The following MIPOL1 variants were observed in gnomAD, a reference collection of about 807,000 sequenced individuals.
MIPOL1 encodes mirror-image polydactyly 1.
In MIPOL1, 57 loss-of-function variants were observed where a neutral mutation model predicts 60.9. The observed-to-expected ratio is 0.94, with a 90% CI of 0.76 to 1.17. MIPOL1 has a LOEUF of 1.17. MIPOL1 is among the 50% of genes most tolerant of loss of function. The pLI, the probability that MIPOL1 is intolerant of heterozygous loss-of-function variation, is 0.00. For synonymous variants in MIPOL1, 179 were observed against 168.8 expected (o/e 1.06, Z -0.47); for missense variants, 551 against 511.6 (o/e 1.08, Z -0.74).
chr14:37,325,095 G>T (rs1251057867), intron 9 of MIPOL1, among the ~76,000 whole-genome samples: 4 of 152,038 alleles, frequency 2.6e-5, no homozygotes, highest in African/African-American at 4.8e-5. Context: ...GATTGGCATT[G>T]TGTTGAATCT....
chr14:37,461,459 C>T (rs138921245), intron 11 of MIPOL1, among the ~76,000 whole-genome samples: 24 of 152,230 alleles, frequency 1.6e-4, no homozygotes, highest in African/African-American at 4.1e-4. Flanking sequence ...ATGGGAATTA[C>T]GTGAGGTACA....
chr14:37,311,290 G>A (rs895954745), intron 9 of MIPOL1, among the ~76,000 whole-genome samples: 5 of 152,144 alleles, frequency 3.3e-5, no homozygotes, highest in Admixed American at 2.6e-4. Context: ...AGACATGGAA[G>A]TAAGTTAACT....
chr14:37,209,483 A>G (rs1404425351), intron 1 of MIPOL1, among the ~76,000 whole-genome samples: 1 of 151,862 alleles, frequency 6.6e-6, no homozygotes, highest in Non-Finnish European at 1.5e-5. Flanking sequence ...ACATGGTGAA[A>G]CCCCGTCTCT....
Position 37,551,150 on chromosome 14 carries a change from A to G in MIPOL1, c.*4179A>G, listed in dbSNP as rs1278007832. The stretch of plus-strand genomic sequence containing the variant: ...TATGCTGGTATTTTAGAAGCCACCA[A>G]TTTCTGGACTATCTGATTATTAACA... On this transcript the variant is annotated 3_prime_UTR_variant, in exon 13 of 13. Coordinates refer to ENST00000684589, the MANE Select transcript of MIPOL1 (RefSeq NM_001388067.1). 1 of 152,104 alleles carries G rather than the reference A, an allele frequency of 6.6e-6. No homozygotes were observed. Among genetic ancestry groups the G allele is most frequent in the Non-Finnish European group, 1.5e-5 (1 of 67,984 alleles). 9.4% of individuals were successfully genotyped at this position (152,104 alleles called of 1,614,324 possible).
chr14:37,478,788 G>A (rs747421044), intron 11 of MIPOL1, among the ~76,000 whole-genome samples: 22 of 152,010 alleles, frequency 1.4e-4, no homozygotes, highest in Non-Finnish European at 4.4e-5. Context: ...TAATTCAAAA[G>A]CTGTAAAAAA....
At chr14:37,305,496 G>C (rs546099671) in intron 7 of MIPOL1, among the ~76,000 whole-genome samples, 2 of 151,898 alleles carry the variant, frequency 1.3e-5, no homozygotes, top group East Asian at 3.9e-4. Context: ...TATGATAAGA[G>C]AGCCTATGGT....
rs74047268 is a variant in MIPOL1 at position 37,264,033 on chromosome 14, G to A, written c.20-2905G>A. On this transcript the variant is annotated intron_variant, in intron 3 of 12. Transcript: ENST00000684589. ...GTATGCAGTTCTTTTTAAAGTGATG[G>A]GGCAATACAAATAAGCTCAGCTAAA... is the stretch of plus-strand genomic sequence containing the variant. Among the ~76,000 whole-genome samples, 1,329 of 152,086 alleles carry A rather than the reference G, an allele frequency of 8.7e-3. 16 individuals are homozygous for A. Among genetic ancestry groups the A allele is most frequent in the African/African-American group, 0.031 (1,272 of 41,482 alleles).
At chr14:37,461,538 A>C (rs562714191) in intron 11 of MIPOL1, among the ~76,000 whole-genome samples, 1 of 152,116 alleles carries the variant, frequency 6.6e-6, no homozygotes, top group Admixed American at 6.6e-5. Context: ...CCCAAATCTC[A>C]TATCTTCACA....
chr14:37,393,654 A>G (rs1283488952), intron 10 of MIPOL1, among the ~76,000 whole-genome samples: 1 of 151,878 alleles, frequency 6.6e-6, no homozygotes. Flanking sequence ...TGAAAATACA[A>G]TTTTATGGCA....
intron 12 of MIPOL1, among the ~76,000 whole-genome samples, chr14:37,500,372 C>G (rs1285502327): frequency 6.6e-6 from 1 of 152,098 alleles, no homozygotes; most frequent in Admixed American, 6.6e-5. Flanking sequence ...TATTTAATAA[C>G]TGATCATCAG....
intron 6 of MIPOL1, among the ~76,000 whole-genome samples, chr14:37,274,825 G>A (rs543860566): frequency 3.4e-4 from 51 of 151,370 alleles, no homozygotes; most frequent in African/African-American, 1.2e-3. Context: ...ATGATAAGAT[G>A]ATGATGTAAC....
chr14:37,377,622 T>C (rs1402227015), intron 10 of MIPOL1, among the ~76,000 whole-genome samples: 3 of 152,148 alleles, frequency 2.0e-5, no homozygotes, highest in Non-Finnish European at 2.9e-5. Context: ...ACCATCCTTC[T>C]AGGCATGTAG....
intron 10 of MIPOL1, chr14:37,400,479 T>G (rs1470484163): frequency 2.6e-5 from 4 of 152,168 alleles, no homozygotes; most frequent in Non-Finnish European, 4.4e-5. Flanking sequence ...TTGAATATAC[T>G]GGGACTGAAG....
At chr14:37,224,872 C>T (rs146606184) in intron 1 of MIPOL1, among the ~76,000 whole-genome samples, 217 of 152,240 alleles carry the variant, frequency 1.4e-3, no homozygotes, top group African/African-American at 4.8e-3. Context: ...CCTGTAAAAT[C>T]GAAAGCAAAT....
At chr14:37,508,809 G>T (rs146327953) in intron 12 of MIPOL1, among the ~76,000 whole-genome samples, 1 of 152,192 alleles carries the variant, frequency 6.6e-6, no homozygotes, top group East Asian at 1.9e-4. Context: ...TGGTTCCTCT[G>T]CTCACGTAAT....
At chr14:37,515,522 A>G (rs1485947629) in intron 12 of MIPOL1, among the ~76,000 whole-genome samples, 1 of 152,222 alleles carries the variant, frequency 6.6e-6, no homozygotes, top group Non-Finnish European at 1.5e-5. Context: ...ATACAACAGT[A>G]TACTGTGTAT....
At chr14:37,290,876 C>T (rs1268748492) in intron 7 of MIPOL1, among the ~76,000 whole-genome samples, 2 of 152,104 alleles carry the variant, frequency 1.3e-5, no homozygotes, top group African/African-American at 2.4e-5. Flanking sequence ...GCCCCACGCT[C>T]CAGTAGGCCC....
At chr14:37,470,806 G>A (rs1039437188) in intron 11 of MIPOL1, among the ~76,000 whole-genome samples, 24 of 152,236 alleles carry the variant, frequency 1.6e-4, no homozygotes, top group African/African-American at 4.8e-4. Flanking sequence ...AGGAAAGTAA[G>A]CAGAAACCAG....
At chr14:37,273,540 A>G (rs2083443338) in intron 6 of MIPOL1, among the ~76,000 whole-genome samples, 1 of 150,924 alleles carries the variant, frequency 6.6e-6, no homozygotes, top group Non-Finnish European at 1.5e-5. Context: ...TTATATATTT[A>G]TGTTTATTAT....
Sources: gnomAD v4.1 joint callset for allele counts (sites outside exome capture counted in the v4.1 genomes callset) on GRCh38, gnomAD v4.1.1 for gene constraint, MANE v1.5 for transcripts, NCBI Gene and HGNC (gene_info 2026-07-23, HGNC 2026-07-21) for gene names.